RORA: variants seen among roughly 807,000 people sequenced by gnomAD.
RORA encodes nuclear receptor ROR-alpha.
RORA carries 7 observed loss-of-function variants against 69.5 expected under a neutral mutation model. The observed-to-expected ratio is 0.10, with a 90% CI of 0.06 to 0.19. The LOEUF (loss-of-function observed/expected upper bound fraction) is 0.19. Ranked by LOEUF, RORA falls within the 10% of genes least tolerant of loss-of-function variation. The pLI, the probability that RORA is intolerant of heterozygous loss-of-function variation, is 1.00. For synonymous variants in RORA, 261 were observed against 240.8 expected (o/e 1.08, Z -0.78); for missense variants, 457 against 663.0 (o/e 0.69, Z 3.41).
At chr15:61,209,294 C>CT (rs2079969207) in intron 1 of RORA, among the ~76,000 whole-genome samples, 2 of 151,640 alleles carry the variant, frequency 1.3e-5, no homozygotes, top group Non-Finnish European at 2.9e-5. Context: ...TTCACACACT[C>CT]TAATTTAAAA....
chr15:61,148,455 G>A (rs866193198), intron 1 of RORA, among the ~76,000 whole-genome samples: 4 of 152,090 alleles, frequency 2.6e-5, no homozygotes, highest in Non-Finnish European at 4.4e-5. Context: ...TCTTTTACCC[G>A]GGTTATGGCA....
chr15:60,741,544 G>C (rs2071575519), intron 1 of RORA, among the ~76,000 whole-genome samples: 2 of 152,156 alleles, frequency 1.3e-5, no homozygotes, highest in Non-Finnish European at 2.9e-5. Flanking sequence ...TTCTCAGAGG[G>C]TTGTGTTCCA....
chr15:60,979,274 T>TA lies in RORA; in HGVS notation c.166+249778_166+249779insT, dbSNP rs1188856138. On this transcript the variant is annotated intron_variant, in intron 1 of 10. Coordinates refer to ENST00000335670, the MANE Select transcript of RORA (RefSeq NM_134261.3). ...CCACCGCACCTAGCCCTTGCTTTTT[T>TA]TTTTTTTTTTTTTTTTTCCAAGAAT... Among the ~76,000 whole-genome samples the TA allele has an allele frequency of 7.7e-4, 61 of 78,972 alleles. 2 individuals are homozygous for TA. Among genetic ancestry groups the TA allele is most frequent in the African/African-American group, 1.7e-3 (41 of 24,060 alleles). 51.8% of individuals were successfully genotyped at this position (78,972 alleles called of 152,430 possible). A position where few individuals can be genotyped will look rare whatever the true frequency, so the allele number is the denominator to read the frequency against.
chr15:60,578,765 C>CTTTTT (rs768047660), intron 2 of RORA, among the ~76,000 whole-genome samples: 3 of 138,910 alleles, frequency 2.2e-5, no homozygotes, highest in African/African-American at 7.9e-5. Flanking sequence ...TTAAATGAAA[C>CTTTTT]TTTTTTTTTT....
Position 60,488,466 on chromosome 15 carries a change from CTT to C in RORA, c.*8987_*8988del, listed in dbSNP as rs776432337. 8 of 151,974 alleles carry C rather than the reference CTT, an allele frequency of 5.3e-5. No homozygotes were observed. The East Asian group carries it at 9.7e-4, about 18-fold the overall frequency. 9.4% of individuals were successfully genotyped at this position (151,974 alleles called of 1,614,324 possible). ...ATTTAAAAGACAACATTAAATCTCT[CTT>C]TTTTGTACAGCTTGTATTTACAAAA... On this transcript the variant is annotated 3_prime_UTR_variant, in exon 11 of 11. Coordinates refer to ENST00000335670, the MANE Select transcript of RORA (RefSeq NM_134261.3).
At chr15:60,561,984 C>T (rs1374461212) in intron 2 of RORA, among the ~76,000 whole-genome samples, 1 of 151,846 alleles carries the variant, frequency 6.6e-6, no homozygotes, top group African/African-American at 2.4e-5. Flanking sequence ...GCTCTTGATG[C>T]CCAGGCTGGA....
intron 2 of RORA, among the ~76,000 whole-genome samples, chr15:60,566,191 T>C (rs2067708037): frequency 6.6e-6 from 1 of 152,178 alleles, no homozygotes; most frequent in Non-Finnish European, 1.5e-5. Flanking sequence ...GTTCAAAGAA[T>C]AGTATTTTAT....
At chr15:60,967,726 C>T (rs1406098191) in intron 1 of RORA, among the ~76,000 whole-genome samples, 2 of 152,164 alleles carry the variant, frequency 1.3e-5, no homozygotes, top group Non-Finnish European at 2.9e-5. Flanking sequence ...GGTTCATCAA[C>T]GTATTTATGT....
chr15:61,024,807 G>C (rs1895718842), intron 1 of RORA, among the ~76,000 whole-genome samples: 1 of 151,760 alleles, frequency 6.6e-6, no homozygotes, highest in African/African-American at 2.4e-5. Context: ...GCCCAGGCTG[G>C]TCCTGAGCTC....
In RORA at chr15:60,490,008, C is replaced by G. The variant is rs2065015930; in HGVS notation, c.*7447G>C. On this transcript the variant is annotated 3_prime_UTR_variant, in exon 11 of 11. Coordinates refer to ENST00000335670, the MANE Select transcript of RORA (RefSeq NM_134261.3). This position sits in a 1 kb window ranked among gnomAD's most constrained non-coding sequence, Gnocchi z 4.1. ...AGCCATATTTATAAACAAATTCACC[C>G]TATAGATGTCAAATATCCATACTAA... 1 of 151,880 alleles carries G rather than the reference C, an allele frequency of 6.6e-6. No homozygotes were observed. Among genetic ancestry groups the G allele is most frequent in the Admixed American group, 6.6e-5 (1 of 15,232 alleles). 9.4% of individuals were successfully genotyped at this position (151,880 alleles called of 1,614,324 possible). A position where few individuals can be genotyped will look rare whatever the true frequency, so the allele number is the denominator to read the frequency against.
chr15:61,214,017 T>C (rs1447347089), intron 1 of RORA: 1 of 152,204 alleles, frequency 6.6e-6, no homozygotes, highest in Non-Finnish European at 1.5e-5. Context: ...CGAATGCTCA[T>C]GTAAAAGGCA....
chr15:60,516,333 A>C (rs1353179103), intron 3 of RORA, among the ~76,000 whole-genome samples: 1 of 135,214 alleles, frequency 7.4e-6, no homozygotes, highest in Non-Finnish European at 1.5e-5. Flanking sequence ...TCCTGGCCTT[A>C]AGTGATTCTC....
intron 1 of RORA, among the ~76,000 whole-genome samples, chr15:61,051,767 G>A (rs1394343505): frequency 6.6e-6 from 1 of 152,126 alleles, no homozygotes; most frequent in Non-Finnish European, 1.5e-5. Flanking sequence ...TCTCCGCCTG[G>A]GCTTCAAAAC....
chr15:60,531,110 C>G lies in RORA; in HGVS notation c.282+656G>C, dbSNP rs954763770. The G allele has an allele frequency of 1.3e-5, 2 of 152,260 alleles. No homozygotes were observed. Among genetic ancestry groups the G allele is most frequent in the Non-Finnish European group, 2.9e-5 (2 of 68,098 alleles). The allele number at this position is 152,260 out of a possible 1,614,324, so 9.4% of individuals were successfully genotyped here. On this transcript the variant is annotated intron_variant, in intron 3 of 10. Transcript: ENST00000335670. This position sits in a 1 kb window ranked among gnomAD's most constrained non-coding sequence, Gnocchi z 4.8. ...TAAAATAGTCATAGCAGAAATAATA[C>G]TGATAATATTTAGAGTTAAATAGCA...
chr15:60,727,442 A>G (rs996945620), intron 1 of RORA, among the ~76,000 whole-genome samples: 20 of 152,190 alleles, frequency 1.3e-4, no homozygotes, highest in African/African-American at 4.8e-4. Flanking sequence ...GCAAGGATTC[A>G]GATGGACTCT....
intron 1 of RORA, among the ~76,000 whole-genome samples, chr15:60,835,397 C>T (rs16943185): frequency 0.016 from 2,375 of 152,250 alleles, 18 homozygotes; most frequent in South Asian, 0.03. Context: ...GTTACTAAAA[C>T]GAAGAGGGTA....
At chr15:60,626,399 T>C (rs1464807580) in intron 2 of RORA, among the ~76,000 whole-genome samples, 2 of 152,232 alleles carry the variant, frequency 1.3e-5, no homozygotes, top group Non-Finnish European at 2.9e-5. Flanking sequence ...GTTGTCGTTG[T>C]TGTTGTTGTT....
chr15:60,881,653 G>C (rs1041746927), intron 1 of RORA, among the ~76,000 whole-genome samples: 5 of 152,146 alleles, frequency 3.3e-5, no homozygotes, highest in Non-Finnish European at 7.4e-5. Flanking sequence ...AAGAGAGTGG[G>C]AGTAAAAGGG....
intron 2 of RORA, among the ~76,000 whole-genome samples, chr15:60,602,890 A>G (rs188436433): frequency 2.6e-5 from 4 of 152,270 alleles, no homozygotes; most frequent in Non-Finnish European, 5.9e-5. Context: ...GACACAGAAC[A>G]GTTCTATTCC....
Sources: gnomAD v4.1 joint callset for allele counts (sites outside exome capture counted in the v4.1 genomes callset) on GRCh38, gnomAD v4.1.1 for gene constraint, Gnocchi (gnomAD v3.1) non-coding constraint, MANE v1.5 for transcripts, NCBI Gene and HGNC (gene_info 2026-07-23, HGNC 2026-07-21) for gene names.